The following ANKS1B variants were observed in gnomAD, a reference collection of about 807,000 sequenced individuals.
ANKS1B encodes the protein ankyrin repeat and sterile alpha motif domain containing 1B.
In ANKS1B, 36 loss-of-function variants were observed where a neutral mutation model predicts 148.3. The ratio of observed to expected loss-of-function variants is 0.24; its 90% CI spans 0.19 to 0.32. The LOEUF (loss-of-function observed/expected upper bound fraction) is 0.32, where lower values mean the gene tolerates loss of function less well. Ranked by LOEUF, ANKS1B falls within the 10% of genes least tolerant of loss-of-function variation. ANKS1B has a pLI of 1.00. For synonymous variants in ANKS1B, 542 were observed against 560.8 expected (o/e 0.97, Z 0.47); for missense variants, 1,157 against 1,542.6 (o/e 0.75, Z 4.19).
At chr12:98,895,083 G>A (rs1382542544) in intron 17 of ANKS1B, 30 of 975,024 alleles carry the variant, frequency 3.1e-5, no homozygotes, top group Non-Finnish European at 3.7e-5. Flanking sequence ...GCCCGGGGTG[G>A]GCGGCGAGGC....
intron 11 of ANKS1B, among the ~76,000 whole-genome samples, chr12:99,407,648 G>A (rs771837248): frequency 6.8e-6 from 1 of 146,168 alleles, no homozygotes; most frequent in Non-Finnish European, 1.5e-5. Context: ...GATAAATTCA[G>A]TAAAGTTGCA....
chr12:98,748,575 G>A (rs967258820), intron 26 of ANKS1B, among the ~76,000 whole-genome samples: 8 of 152,120 alleles, frequency 5.3e-5, no homozygotes, highest in African/African-American at 1.4e-4. Context: ...GCCTTCTACC[G>A]TGCCTTGACT....
At chr12:99,059,096 T>C (rs186710734) in intron 16 of ANKS1B, among the ~76,000 whole-genome samples, 1 of 152,344 alleles carries the variant, frequency 6.6e-6, no homozygotes, top group Non-Finnish European at 1.5e-5. Context: ...AATCTTTCTC[T>C]AATGTTACCA....
chr12:98,918,204 G>T (rs1444907780), intron 17 of ANKS1B, among the ~76,000 whole-genome samples: 1 of 152,220 alleles, frequency 6.6e-6, no homozygotes, highest in Non-Finnish European at 1.5e-5. Context: ...CTTCACGGAG[G>T]TTAGTTGGCT....
At chr12:99,794,460 T>TGTACACACACACAC (rs1555616401) in intron 4 of ANKS1B, among the ~76,000 whole-genome samples, 1 of 143,562 alleles carries the variant, frequency 7.0e-6, no homozygotes, top group African/African-American at 2.6e-5. Context: ...GAAAATGTGG[T>TGTACACACACACAC]ACACACACAC....
intron 2 of ANKS1B, among the ~76,000 whole-genome samples, chr12:99,821,106 T>C (rs1204236985): frequency 2.0e-5 from 3 of 151,960 alleles, no homozygotes; most frequent in Non-Finnish European, 2.9e-5. Flanking sequence ...CCATAAATAA[T>C]ACCAACACAG....
chr12:99,862,136 A>G (rs2090117728), intron 1 of ANKS1B, among the ~76,000 whole-genome samples: 1 of 152,206 alleles, frequency 6.6e-6, no homozygotes, highest in African/African-American at 2.4e-5. Context: ...ACAAAGAAGG[A>G]GACTAAAAAG....
intron 17 of ANKS1B, among the ~76,000 whole-genome samples, chr12:98,989,913 GAAAGAAAGAA>G (rs1471308498): frequency 1.5e-5 from 2 of 136,928 alleles, no homozygotes; most frequent in Non-Finnish European, 3.2e-5. Context: ...AAGAAGGAAA[GAAAGAAAGAA>G]AGAGAAAGAA....
chr12:99,067,270 C>A (rs1217120563), intron 16 of ANKS1B, among the ~76,000 whole-genome samples: 2 of 152,194 alleles, frequency 1.3e-5, no homozygotes, highest in African/African-American at 2.4e-5. Context: ...GCAATGATGG[C>A]CACTTTGGCA....
intron 9 of ANKS1B, among the ~76,000 whole-genome samples, chr12:99,601,928 A>G (rs7313595): frequency 0.72 from 109,691 of 151,826 alleles, 40,094 homozygotes; most frequent in African/African-American, 0.82. Context: ...GACCTACTAT[A>G]AGACAAGGTA....
At chr12:99,813,605 G>A (rs1728446045) in intron 2 of ANKS1B, among the ~76,000 whole-genome samples, 1 of 151,358 alleles carries the variant, frequency 6.6e-6, no homozygotes, top group African/African-American at 2.4e-5. Context: ...CAAAATTATG[G>A]TAAATGGTAA....
chr12:99,209,287 T>A (rs1336033080), intron 14 of ANKS1B, among the ~76,000 whole-genome samples: 1 of 152,224 alleles, frequency 6.6e-6, no homozygotes, highest in Non-Finnish European at 1.5e-5. Context: ...TGGATGAGAT[T>A]AAACTTATTT....
chr12:99,661,177 A>T (rs546938543), intron 8 of ANKS1B, among the ~76,000 whole-genome samples: 5 of 152,248 alleles, frequency 3.3e-5, no homozygotes, highest in African/African-American at 1.2e-4. Flanking sequence ...GAACTCCCAA[A>T]TCTTCATGAT....
At chr12:99,711,829 AG>A (rs1428500934) in intron 8 of ANKS1B, among the ~76,000 whole-genome samples, 1 of 152,202 alleles carries the variant, frequency 6.6e-6, no homozygotes, top group Non-Finnish European at 1.5e-5. Context: ...AATTCAACCC[AG>A]TAATCCCATT....
rs1321959017 is a variant in ANKS1B at position 99,710,476 on chromosome 12, CA to C, written c.1129-55267del. ...ACAGGGCGAATCCAGGCCAAGACTT[CA>C]CTGAGATCTCAAGTCTATGTATTGT... On this transcript the variant is annotated intron_variant, in intron 8 of 26. Transcript: ENST00000683438. Among the ~76,000 whole-genome samples the C allele has an allele frequency of 9.2e-5, 14 of 152,196 alleles. No individual in the cohort carries two copies. The East Asian group carries it at 2.7e-3, about 29-fold the overall frequency.
chr12:99,437,565 T>C (rs2152772199), intron 11 of ANKS1B, among the ~76,000 whole-genome samples: 1 of 152,020 alleles, frequency 6.6e-6, no homozygotes, highest in East Asian at 1.9e-4. Context: ...TTGATTTCTA[T>C]CATGAAACAG....
chr12:99,941,768 G>A (rs1304705712), intron 1 of ANKS1B, among the ~76,000 whole-genome samples: 1 of 152,134 alleles, frequency 6.6e-6, no homozygotes, highest in Admixed American at 6.6e-5. Context: ...GAATATGGTA[G>A]ACTTTATTTC....
At chr12:98,734,997 C>T (rs577850295) in exon 10 of ANKS1B, 3 of 388,284 alleles carry the variant, frequency 7.7e-6, no homozygotes, top group South Asian at 2.9e-4. Context: ...CCTGTAATCC[C>T]AGCTCCTTGG....
At chr12:99,795,250 A>G (rs2066108711) in intron 4 of ANKS1B, among the ~76,000 whole-genome samples, 1 of 151,870 alleles carries the variant, frequency 6.6e-6, no homozygotes, top group Admixed American at 6.6e-5. Context: ...AACTACTAAG[A>G]TAATAACTTT....
Sources: gnomAD v4.1 joint callset for allele counts (sites outside exome capture counted in the v4.1 genomes callset) on GRCh38, gnomAD v4.1.1 for gene constraint, MANE v1.5 for transcripts, NCBI Gene and HGNC (gene_info 2026-07-23, HGNC 2026-07-21) for gene names.